The following SLC4A8 variants were observed in gnomAD, a reference collection of about 807,000 sequenced individuals.
The protein encoded by SLC4A8 is solute carrier family 4 member 8, also known as electroneutral sodium bicarbonate exchanger 1.
In SLC4A8, 40 loss-of-function variants were observed where a neutral mutation model predicts 125.0. That is an observed-to-expected ratio of 0.32 (90% CI 0.25 to 0.42). The LOEUF (loss-of-function observed/expected upper bound fraction) is 0.42. SLC4A8 is among the 10% of genes least tolerant of loss of function. The pLI is 1.00. For synonymous variants in SLC4A8, 456 were observed against 476.0 expected, an observed-to-expected ratio of 0.96 and a Z score of 0.55; for missense variants, 863 against 1,355.1, an observed-to-expected ratio of 0.64 and a Z score of 5.70.
chr12:51,493,814 G>A, intron 20 of SLC4A8, 42 bp downstream of exon 20: 1 of 1,246,332 alleles, frequency 8.0e-7, no homozygotes, highest in Non-Finnish European at 1.2e-6. Context: ...CTCACTGCAA[G>A]TTTGCATGTC....
chr12:51,479,947 G>A, intron 16 of SLC4A8: 1 of 408,548 alleles, frequency 2.4e-6, no homozygotes, highest in South Asian at 1.8e-5. Flanking sequence ...GTTTCTACAA[G>A]GCCAAGTTTT....
intron 1 of SLC4A8, among the ~76,000 whole-genome samples, chr12:51,399,236 C>T (rs954473349): frequency 1.3e-5 from 2 of 152,060 alleles, no homozygotes; most frequent in Non-Finnish European, 2.9e-5. Context: ...TATTAATTCC[C>T]GTGGAATCTT....
At chr12:51,497,737 T>A (rs1218608299) in intron 22 of SLC4A8, 2 of 151,874 alleles carry the variant, frequency 1.3e-5, no homozygotes, top group Non-Finnish European at 2.9e-5. Context: ...TTTAAAAGAC[T>A]TTTTTTTAGG....
At chr12:51,484,692 G>A (rs1050532295) in intron 16 of SLC4A8, among the ~76,000 whole-genome samples, 5 of 152,116 alleles carry the variant, frequency 3.3e-5, no homozygotes, top group African/African-American at 7.2e-5. Flanking sequence ...AGGCAGGCAC[G>A]GGTCATTTGC....
chr12:51,474,760 G>A (rs140032978), intron 15 of SLC4A8, among the ~76,000 whole-genome samples: 87 of 152,276 alleles, frequency 5.7e-4, no homozygotes, highest in Admixed American at 2.4e-3. Context: ...TTCAAGTTTG[G>A]AGGTCCTCTG....
intron 2 of SLC4A8, chr12:51,441,079 A>G (rs1002923400): frequency 6.5e-6 from 7 of 1,085,018 alleles, no homozygotes; most frequent in Admixed American, 5.3e-5. Context: ...TGAGAATGTG[A>G]TGTACTCAGT....
intron 9 of SLC4A8, chr12:51,462,015 G>T: frequency 4.2e-6 from 1 of 236,800 alleles, no homozygotes; most frequent in Admixed American, 5.3e-5. Flanking sequence ...CATATATCTT[G>T]CCTTTCCTTC....
chr12:51,418,063 C>T (rs1948722003), intron 1 of SLC4A8, among the ~76,000 whole-genome samples: 1 of 152,154 alleles, frequency 6.6e-6, no homozygotes, highest in Non-Finnish European at 1.5e-5. Flanking sequence ...CTGATCATGC[C>T]CTGTCTCAGA....
Position 51,507,451 on chromosome 12 carries a change from G to C in SLC4A8, c.*13G>C. On this transcript the variant is annotated 3_prime_UTR_variant, in exon 25 of 25. Coordinates refer to ENST00000453097, the MANE Select transcript of SLC4A8 (RefSeq NM_001039960.3). Reference sequence around the variant, plus strand: ...TCTCTTCAACTAAGAGTCTTTGCTGGGATGGAAGATTTGGGCCGTGTGGTG... The same window carrying C: ...TCTCTTCAACTAAGAGTCTTTGCTGCGATGGAAGATTTGGGCCGTGTGGTG... 7.2e-7 allele frequency: 1 copy of C among 1,390,844 alleles called. No individual in the cohort carries two copies. The highest frequency in any genetic ancestry group is 9.4e-7 in the Non-Finnish European group (1 of 1,065,434). The allele number at this position is 1,390,844 out of a possible 1,614,324, so 86.2% of individuals were successfully genotyped here.
chr12:51,499,720 T>C (rs1937766212), intron 22 of SLC4A8, among the ~76,000 whole-genome samples: 1 of 151,918 alleles, frequency 6.6e-6, no homozygotes, highest in Non-Finnish European at 1.5e-5. Flanking sequence ...TTACTTTATT[T>C]AGGATGATTA....
chr12:51,482,836 A>C (rs553004284), intron 16 of SLC4A8, among the ~76,000 whole-genome samples: 1 of 152,342 alleles, frequency 6.6e-6, no homozygotes, highest in South Asian at 2.1e-4. Flanking sequence ...TATGTGGCAC[A>C]GAACACCTCC....
intron 11 of SLC4A8, among the ~76,000 whole-genome samples, chr12:51,468,791 A>G (rs959641253): frequency 2.6e-5 from 4 of 152,134 alleles, no homozygotes; most frequent in African/African-American, 7.2e-5. Flanking sequence ...GAATAAAACC[A>G]TTTTTTAAGG....
chr12:51,485,214 T>C (rs1951131738), intron 16 of SLC4A8, among the ~76,000 whole-genome samples: 1 of 152,094 alleles, frequency 6.6e-6, no homozygotes, highest in African/African-American at 2.4e-5. Flanking sequence ...ATGTTTCAAA[T>C]AATTACTCCA....
At position 51,499,657 on chromosome 12, in the gene SLC4A8, ACG is replaced by A. The variant is rs573190358; in HGVS notation, c.3081+2534_3081+2535del. Among the ~76,000 whole-genome samples, 456 of 150,192 alleles carry A rather than the reference ACG, an allele frequency of 3.0e-3. 4 individuals carry two copies. The highest frequency in any genetic ancestry group is 0.011 in the African/African-American group (429 of 40,450). Reference sequence around the variant, plus strand: ...CACACACACACACACACACACACACACGTATATAATTTTAGGTAGTGATATGT... The same window carrying A: ...CACACACACACACACACACACACACATATATAATTTTAGGTAGTGATATGT... On this transcript the variant is annotated intron_variant, in intron 22 of 24. Coordinates refer to ENST00000453097, the MANE Select transcript of SLC4A8 (RefSeq NM_001039960.3).
intron 1 of SLC4A8, among the ~76,000 whole-genome samples, chr12:51,404,997 G>T (rs370903931): frequency 6.6e-6 from 1 of 152,158 alleles, no homozygotes; most frequent in Non-Finnish European, 1.5e-5. Context: ...GAGGTAAAAG[G>T]GCTGTCTATG....
In SLC4A8 at chr12:51,489,642, T is replaced by C. The variant is rs1951255407; in HGVS notation, c.2449-58T>C. On this transcript the variant is annotated intron_variant, in intron 18 of 24. Transcript: ENST00000453097. ...TGGGCCTGAGACCCGTAGCTCACTG[T>C]TCTATGCCCTACTACAGCTAGCCTA... The C allele has an allele frequency of 3.1e-6, 5 of 1,603,724 alleles. No individual in the cohort carries two copies. The East Asian group carries it at 1.1e-4, about 36-fold the overall frequency.
chr12:51,429,080 T>C (rs1949100732), intron 1 of SLC4A8, among the ~76,000 whole-genome samples: 1 of 151,936 alleles, frequency 6.6e-6, no homozygotes, highest in Admixed American at 6.6e-5. Context: ...TAGCTAATTT[T>C]TTTGTATTTT....
At position 51,426,920 on chromosome 12, in the gene SLC4A8, ATTTTCTTTTTTTTTTC is replaced by A. The variant is rs754165515; in HGVS notation, c.48+1901_48+1916del. On this transcript the variant is annotated intron_variant, in intron 1 of 24. Transcript: ENST00000453097. ...AGAGAGTAAATGAGATCATGAACAG[ATTTTCTTTTTTTTTTC>A]TTTTCTTTTTTTTTTTTTTTGAGAT... Among the ~76,000 whole-genome samples the A allele has an allele frequency of 1.6e-3, 234 of 148,854 alleles. 2 individuals carry two copies. The East Asian group carries it at 0.023, about 15-fold the overall frequency.
intron 2 of SLC4A8, among the ~76,000 whole-genome samples, chr12:51,450,416 A>G (rs1291107058): frequency 6.6e-6 from 1 of 152,216 alleles, no homozygotes; most frequent in East Asian, 1.9e-4. Flanking sequence ...TCACATGGCA[A>G]GTGAATGATG....
Sources: gnomAD v4.1 joint callset for allele counts (sites outside exome capture counted in the v4.1 genomes callset) on GRCh38, gnomAD v4.1.1 for gene constraint, MANE v1.5 for transcripts, NCBI Gene and HGNC (gene_info 2026-07-23, HGNC 2026-07-21) for gene names.